The following SOX6 variants were observed in gnomAD, a reference collection of about 807,000 sequenced individuals.
SOX6 encodes the protein transcription factor SOX-6.
SOX6 carries 11 observed loss-of-function variants against 97.8 expected under a neutral mutation model. That is an observed-to-expected ratio of 0.11 (90% CI 0.07 to 0.19). SOX6 has a LOEUF of 0.19. Among genes scored for constraint, SOX6 ranks in the 10% least tolerant of loss-of-function variants. SOX6 has a pLI of 1.00. For missense variants in SOX6, 810 were observed against 1,039.5 expected, an observed-to-expected ratio of 0.78 and a Z score of 3.04; for synonymous variants, 360 against 371.4, an observed-to-expected ratio of 0.97 and a Z score of 0.35.
At chr11:16,409,215 T>C (rs532409330) in intron 1 of SOX6, among the ~76,000 whole-genome samples, 2 of 151,722 alleles carry the variant, frequency 1.3e-5, no homozygotes, top group South Asian at 2.1e-4. Flanking sequence ...CAGAGCCTTA[T>C]GGCGACAACC....
chr11:16,597,332 G>A lies in SOX6; in HGVS notation n.609+14749C>T, dbSNP rs201841721. ...TATATATGTATGTATGTATGTATAT[G>A]TGTGTGTGTATATATATATATTAAA... On this transcript the variant is annotated intron_variant and non_coding_transcript_variant, in intron 4 of 5. Coordinates refer to the SOX6 transcript ENST00000524520. Among the ~76,000 whole-genome samples, 32 of 82,918 alleles carry A rather than the reference G, an allele frequency of 3.9e-4. No homozygotes were observed. In the East Asian group the frequency reaches 5.1e-3, roughly 13 times the overall value. The allele number at this position is 82,918 out of a possible 152,430, so 54.4% of individuals were successfully genotyped here.
In SOX6 at chr11:16,046,628, C is replaced by A; in HGVS notation, c.1509G>T (p.Ala503=). Residue 503 remains alanine, a synonymous_variant, in exon 12 of 16, where the codon GCG becomes GCT. Coordinates refer to ENST00000683767, the MANE Select transcript of SOX6 (RefSeq NM_001367873.1). ...QDTVMKAIQE[A]RKMREQIQRE... ...GCTGGATCTGCTCTCGCATCTTCCG[C>A]GCCTCCTGAATGGCTTTCATCACTG... 1 of 1,613,778 alleles carries A rather than the reference C, an allele frequency of 6.2e-7. No homozygotes were observed. Among genetic ancestry groups the A allele is most frequent in the Non-Finnish European group, 8.5e-7 (1 of 1,179,812 alleles).
At chr11:16,002,853 G>A (rs1181171490) in intron 13 of SOX6, among the ~76,000 whole-genome samples, 1 of 152,184 alleles carries the variant, frequency 6.6e-6, no homozygotes, top group African/African-American at 2.4e-5. Context: ...AAAGCAAGAT[G>A]AAGCAAGTCT....
At chr11:16,640,702 G>T (rs1848896172) in intron 3 of SOX6, among the ~76,000 whole-genome samples, 2 of 152,162 alleles carry the variant, frequency 1.3e-5, no homozygotes, top group South Asian at 2.1e-4. Context: ...TTGCGTAGAG[G>T]TGTTTATAGT....
intron 1 of SOX6, among the ~76,000 whole-genome samples, chr11:16,449,782 T>C (rs1859686362): frequency 6.6e-6 from 1 of 152,138 alleles, no homozygotes; most frequent in Non-Finnish European, 1.5e-5. Context: ...TCCATCTCAA[T>C]AGGTTTTTTG....
intron 13 of SOX6, among the ~76,000 whole-genome samples, chr11:16,013,812 C>T (rs1157112920): frequency 1.3e-5 from 2 of 151,948 alleles, no homozygotes; most frequent in Non-Finnish European, 2.9e-5. Context: ...TCTCTGAGTC[C>T]TCATTCCAGG....
At chr11:16,091,723 C>T (rs558919542) in intron 9 of SOX6, among the ~76,000 whole-genome samples, 5 of 152,084 alleles carry the variant, frequency 3.3e-5, no homozygotes, top group Admixed American at 6.6e-5. Flanking sequence ...TTTCTTAGTG[C>T]TTTAAGACTC....
At chr11:16,039,437 T>C (rs1855600480) in intron 12 of SOX6, among the ~76,000 whole-genome samples, 1 of 152,124 alleles carries the variant, frequency 6.6e-6, no homozygotes, top group Non-Finnish European at 1.5e-5. Flanking sequence ...TAGAATAGCA[T>C]ATATTCAAAG....
rs1474149150 is a variant in SOX6 at position 16,371,409 on chromosome 11, GT to G, written c.-4-30158del. 1.1e-4 allele frequency among the ~76,000 whole-genome samples: 16 copies of G among 151,286 alleles called. No individual in the cohort carries two copies. In the Middle Eastern group the frequency reaches 0.014, roughly 130 times the overall value. ...TGGGTGCTCCCTATCCCCCTTTTTT[GT>G]TTTATTTTCTCCATAGCATTTATCT... On this transcript the variant is annotated intron_variant, in intron 1 of 15. Transcript: ENST00000396356.
intron 4 of SOX6, among the ~76,000 whole-genome samples, chr11:16,220,361 G>T (rs10832564): frequency 0.48 from 72,455 of 151,688 alleles, 17,475 homozygotes; most frequent in South Asian, 0.61. Flanking sequence ...GGGTTGAGAG[G>T]CATATAATAG....
chr11:16,676,839 A>C (rs1472516018), intron 3 of SOX6, among the ~76,000 whole-genome samples: 1 of 151,996 alleles, frequency 6.6e-6, no homozygotes, highest in Non-Finnish European at 1.5e-5. Flanking sequence ...CTGCTTACAC[A>C]GATCCTAAAA....
At chr11:16,590,642 C>A (rs1848139116) in intron 4 of SOX6, among the ~76,000 whole-genome samples, 1 of 151,964 alleles carries the variant, frequency 6.6e-6, no homozygotes. Flanking sequence ...CTGTCATTTG[C>A]AACAACATGA....
At chr11:16,420,368 A>G (rs1200387640) in intron 1 of SOX6, among the ~76,000 whole-genome samples, 1 of 152,212 alleles carries the variant, frequency 6.6e-6, no homozygotes, top group Non-Finnish European at 1.5e-5. Flanking sequence ...TTGAGACAAC[A>G]GCAGCCGACT....
intron 4 of SOX6, among the ~76,000 whole-genome samples, chr11:16,503,905 T>G (rs1860746273): frequency 6.6e-6 from 1 of 152,090 alleles, no homozygotes; most frequent in East Asian, 1.9e-4. Context: ...TAGCCAGGCA[T>G]GGTGGTGGGT....
At chr11:16,015,770 G>T (rs1424632586) in intron 12 of SOX6, among the ~76,000 whole-genome samples, 1 of 151,892 alleles carries the variant, frequency 6.6e-6, no homozygotes, top group African/African-American at 2.4e-5. Context: ...AGTAGCAGAG[G>T]GGCTCATTGA....
At chr11:16,400,682 A>G (rs1858532070) in intron 1 of SOX6, among the ~76,000 whole-genome samples, 1 of 151,450 alleles carries the variant, frequency 6.6e-6, no homozygotes, top group Non-Finnish European at 1.5e-5. Context: ...CATTTGCTCA[A>G]CAACTATTTT....
intron 2 of SOX6, among the ~76,000 whole-genome samples, chr11:16,724,682 T>C (rs1425160981): frequency 6.6e-6 from 1 of 152,204 alleles, no homozygotes; most frequent in African/African-American, 2.4e-5. Flanking sequence ...GAACCATTGC[T>C]GCAAATTAAT....
chr11:16,359,209 A>C (rs1380625979), upstream of SOX6, among the ~76,000 whole-genome samples: 1 of 152,072 alleles, frequency 6.6e-6, no homozygotes, highest in African/African-American at 2.4e-5. Context: ...GAACTAAAAA[A>C]AAAAAGGACA....
intron 6 of SOX6, among the ~76,000 whole-genome samples, chr11:16,130,164 A>G (rs1430544281): frequency 6.6e-6 from 1 of 152,028 alleles, no homozygotes; most frequent in Non-Finnish European, 1.5e-5. Context: ...ATAAACAATT[A>G]GAAAAAAATT....
Sources: allele counts gnomAD v4.1 joint callset (sites outside exome capture counted in the v4.1 genomes callset), GRCh38; gene constraint gnomAD v4.1.1; transcripts MANE v1.5; gene names NCBI Gene and HGNC (gene_info 2026-07-23, HGNC 2026-07-21).